Variants in GNAQ observed in about 807,000 individuals in gnomAD.
GNAQ encodes the protein G protein subunit alpha q, also known as guanine nucleotide-binding protein G(q) subunit alpha.
In GNAQ, 8 loss-of-function variants were observed where a neutral mutation model predicts 43.9. That is an observed-to-expected ratio of 0.18 (90% CI 0.11 to 0.33). The LOEUF (loss-of-function observed/expected upper bound fraction) is 0.33, where lower values mean the gene tolerates loss of function less well. GNAQ is among the 10% of genes least tolerant of loss of function. The pLI is 1.00. For missense variants in GNAQ, 158 were observed against 450.8 expected (o/e 0.35, Z 5.88); for synonymous variants, 155 against 170.7 (o/e 0.91, Z 0.71).
In GNAQ at chr9:77,783,061, T is replaced by C. The variant is rs1450790287; in HGVS notation, c.735+11402A>G. ...GAAACCATTTTGTACAACACTATAA[T>C]GGTGAATATATAACATTTTACATTT... On this transcript the variant is annotated intron_variant, in intron 5 of 6. Transcript: ENST00000286548. 5.9e-5 allele frequency among the ~76,000 whole-genome samples: 9 copies of C among 152,214 alleles called. 2 individuals are homozygous for C. The South Asian group carries it at 1.4e-3, about 24-fold the overall frequency.
chr9:77,776,096 T>G (rs1587911356), intron 5 of GNAQ, among the ~76,000 whole-genome samples: 1 of 152,286 alleles, frequency 6.6e-6, no homozygotes, highest in South Asian at 2.1e-4. Flanking sequence ...TGCAACAACA[T>G]AACATTTATT....
At chr9:77,769,119 G>A (rs932436355) in intron 5 of GNAQ, among the ~76,000 whole-genome samples, 1 of 152,236 alleles carries the variant, frequency 6.6e-6, no homozygotes, top group South Asian at 2.1e-4. Context: ...AAAACAAATC[G>A]GCCTGGTGCG....
intron 2 of GNAQ, among the ~76,000 whole-genome samples, chr9:77,837,200 G>GA (rs1827403155): frequency 6.6e-6 from 1 of 152,132 alleles, no homozygotes; most frequent in East Asian, 1.9e-4. Context: ...CATCTAGAAT[G>GA]ATATTAGCCT....
intron 1 of GNAQ, among the ~76,000 whole-genome samples, chr9:78,016,009 A>C (rs1823833734): frequency 6.6e-6 from 1 of 152,214 alleles, no homozygotes; most frequent in Non-Finnish European, 1.5e-5. Flanking sequence ...ATGAGAAAAG[A>C]ATACGTTTTT....
At chr9:77,978,043 TA>T (rs890139787) in intron 1 of GNAQ, among the ~76,000 whole-genome samples, 1 of 152,204 alleles carries the variant, frequency 6.6e-6, no homozygotes, top group African/African-American at 2.4e-5. Flanking sequence ...TTTCTTAAAT[TA>T]TATGAAAAGT....
intron 1 of GNAQ, among the ~76,000 whole-genome samples, chr9:77,981,346 G>A (rs1823365836): frequency 6.6e-6 from 1 of 152,174 alleles, no homozygotes; most frequent in Non-Finnish European, 1.5e-5. Context: ...TTTTGTTTAT[G>A]AAGGATACTT....
chr9:77,984,131 G>A (rs139044442), intron 1 of GNAQ, among the ~76,000 whole-genome samples: 2 of 142,252 alleles, frequency 1.4e-5, no homozygotes, highest in Non-Finnish European at 3.0e-5. Context: ...GAAAGTTTTT[G>A]AATTTTAGTT....
intron 1 of GNAQ, among the ~76,000 whole-genome samples, chr9:78,004,001 G>A (rs1823675675): frequency 6.6e-6 from 1 of 151,986 alleles, no homozygotes; most frequent in African/African-American, 2.4e-5. Context: ...GATCTGACAG[G>A]TTGCTATGGA....
chr9:77,800,994 A>G (rs1386685017), intron 3 of GNAQ, among the ~76,000 whole-genome samples: 1 of 152,196 alleles, frequency 6.6e-6, no homozygotes, highest in Admixed American at 6.5e-5. Context: ...CCGTACACAG[A>G]GGTCAGAACA....
intron 5 of GNAQ, among the ~76,000 whole-genome samples, chr9:77,733,081 C>A (rs1005635727): frequency 6.6e-6 from 1 of 152,112 alleles, no homozygotes; most frequent in Non-Finnish European, 1.5e-5. Context: ...CTGGAACCAG[C>A]CAAAGGGTAG....
In GNAQ at chr9:77,717,636, G is replaced by A. The variant is rs148141509; in HGVS notation, c.*3687C>T. On this transcript the variant is annotated 3_prime_UTR_variant, in exon 7 of 7. Transcript: ENST00000286548. Reference sequence around the variant, plus strand: ...AGTATAAATTTTAAAATTACAGTTCGTACACTTTGACAATCAAGATAGTCT... The same window carrying A: ...AGTATAAATTTTAAAATTACAGTTCATACACTTTGACAATCAAGATAGTCT... 5,348 of 231,386 alleles carry A rather than the reference G, an allele frequency of 0.023. 73 individuals carry two copies. The highest frequency in any genetic ancestry group is 0.046 in the African/African-American group (2,071 of 45,156). 14.3% of individuals were successfully genotyped at this position (231,386 alleles called of 1,614,324 possible).
chr9:77,724,927 G>A (rs1825374723), intron 6 of GNAQ, among the ~76,000 whole-genome samples: 1 of 151,064 alleles, frequency 6.6e-6, no homozygotes, highest in Non-Finnish European at 1.5e-5. Context: ...ATTAACTCCA[G>A]AGAAGTAATA....
intron 2 of GNAQ, among the ~76,000 whole-genome samples, chr9:77,823,803 C>A (rs1406247452): frequency 6.6e-6 from 1 of 152,162 alleles, no homozygotes. Flanking sequence ...TGAGGCCCTT[C>A]CCCCAACAAG....
At chr9:77,981,651 C>G (rs1235329912) in intron 1 of GNAQ, among the ~76,000 whole-genome samples, 1 of 152,186 alleles carries the variant, frequency 6.6e-6, no homozygotes, top group Non-Finnish European at 1.5e-5. Context: ...ATACTTATCC[C>G]TTTTGACAAC....
chr9:78,009,278 T>G (rs948380662), intron 1 of GNAQ, among the ~76,000 whole-genome samples: 1 of 152,194 alleles, frequency 6.6e-6, no homozygotes, highest in East Asian at 1.9e-4. Flanking sequence ...TCACCAACAA[T>G]GTGCACTGCC....
In GNAQ at chr9:78,016,184, G is replaced by T. The variant is rs553583734; in HGVS notation, c.136+14916C>A. On this transcript the variant is annotated intron_variant, in intron 1 of 6. Transcript: ENST00000286548. ...TTTTGTGACCTTGGATTTTTCCAAT[G>T]GTTTCTTCCATATGAGACCAAAAAG... Among the ~76,000 whole-genome samples the T allele has an allele frequency of 6.5e-4, 99 of 152,138 alleles. 1 individual carries two copies. The highest frequency in any genetic ancestry group is 2.7e-3 in the Admixed American group (42 of 15,282).
chr9:77,817,716 A>G (rs1827041181), intron 2 of GNAQ, among the ~76,000 whole-genome samples: 1 of 152,216 alleles, frequency 6.6e-6, no homozygotes, highest in African/African-American at 2.4e-5. Flanking sequence ...ACCACTGAGC[A>G]AAACAAGAAC....
At chr9:77,760,025 C>T (rs1422296643) in intron 5 of GNAQ, among the ~76,000 whole-genome samples, 4 of 149,110 alleles carry the variant, frequency 2.7e-5, no homozygotes, top group East Asian at 2.0e-4. Flanking sequence ...CTTTCCAAAG[C>T]GCTGCAATTA....
intron 1 of GNAQ, among the ~76,000 whole-genome samples, chr9:77,979,380 T>A (rs1823341767): frequency 6.6e-6 from 1 of 151,150 alleles, no homozygotes; most frequent in Non-Finnish European, 1.5e-5. Context: ...TTAAATTAAA[T>A]TAAATTAAAA....
Sources: allele counts gnomAD v4.1 joint callset (sites outside exome capture counted in the v4.1 genomes callset), GRCh38; gene constraint gnomAD v4.1.1; transcripts MANE v1.5; gene names NCBI Gene and HGNC (gene_info 2026-07-23, HGNC 2026-07-21).